Variants in SHISA9 observed in about 807,000 individuals in gnomAD.
SHISA9 encodes protein shisa-9.
A neutral mutation model predicts 38.0 loss-of-function variants in SHISA9; 13 were observed. The ratio of observed to expected loss-of-function variants is 0.34; its 90% CI spans 0.22 to 0.54. The LOEUF (loss-of-function observed/expected upper bound fraction) is 0.54, where lower values mean the gene tolerates loss of function less well. Among genes scored for constraint, SHISA9 ranks in the 20% least tolerant of loss-of-function variants. The pLI is 0.91. For synonymous variants in SHISA9, 275 were observed against 242.0 expected (o/e 1.14, Z -1.27); for missense variants, 538 against 575.8 (o/e 0.93, Z 0.67).
intron 2 of SHISA9, among the ~76,000 whole-genome samples, chr16:12,979,769 G>T (rs1204189004): frequency 6.6e-6 from 1 of 151,924 alleles, no homozygotes; most frequent in Non-Finnish European, 1.5e-5. Context: ...GTTTCTTTCT[G>T]TCTGTTTCAC....
rs113369786 is a variant in SHISA9 at position 12,975,877 on chromosome 16, A to AT, written c.691+59076dup. 2.1e-3 allele frequency among the ~76,000 whole-genome samples: 304 copies of AT among 144,886 alleles called. 2 individuals carry two copies. The highest frequency in any genetic ancestry group is 0.01 in the East Asian group (51 of 4,950). On this transcript the variant is annotated intron_variant, in intron 2 of 4. Coordinates refer to ENST00000558583, the MANE Select transcript of SHISA9 (RefSeq NM_001145204.3). Reference sequence around the variant, plus strand: ...AATAGCTTCATTTATTTGAACAGCAATTTTTTTTTTTTTTGCCAGTGAACA... The same window carrying AT: ...AATAGCTTCATTTATTTGAACAGCAATTTTTTTTTTTTTTTGCCAGTGAACA...
chr16:13,419,550 A>G, the SHISA9 span, among the ~76,000 whole-genome samples: 2 of 152,254 alleles, frequency 1.3e-5, no homozygotes, highest in Non-Finnish European at 2.9e-5. Flanking sequence ...TGGAGTTTGA[A>G]GACATGTGGG....
At chr16:12,998,250 A>G (rs2072482791) in intron 2 of SHISA9, among the ~76,000 whole-genome samples, 1 of 152,242 alleles carries the variant, frequency 6.6e-6, no homozygotes, top group African/African-American at 2.4e-5. Flanking sequence ...TCCATGCATT[A>G]GTTAAGGTAG....
At chr16:13,229,218 A>G (rs374452201) in intron 4 of SHISA9, among the ~76,000 whole-genome samples, 1 of 152,360 alleles carries the variant, frequency 6.6e-6, no homozygotes, top group South Asian at 2.1e-4. Context: ...CATTGCTTAT[A>G]TAATGCTGGC....
At chr16:13,139,250 TTTTC>T (rs1280144480) in intron 2 of SHISA9, among the ~76,000 whole-genome samples, 2 of 150,806 alleles carry the variant, frequency 1.3e-5, no homozygotes, top group African/African-American at 4.9e-5. Flanking sequence ...GCCATCTTTC[TTTTC>T]TTTCTAATTC....
intron 4 of SHISA9, among the ~76,000 whole-genome samples, chr16:13,217,242 C>A (rs1465862371): frequency 6.6e-6 from 1 of 152,046 alleles, no homozygotes; most frequent in African/African-American, 2.4e-5. Context: ...CTTGCCACTG[C>A]ACCCCAGCCT....
the SHISA9 span, among the ~76,000 whole-genome samples, chr16:13,263,535 A>G: frequency 6.6e-6 from 1 of 152,180 alleles, no homozygotes; most frequent in South Asian, 2.1e-4. Context: ...CCATGATTGT[A>G]AGCTTCTTGA....
At chr16:13,370,816 AAGAG>A in the SHISA9 span, among the ~76,000 whole-genome samples, 1 of 152,174 alleles carries the variant, frequency 6.6e-6, no homozygotes, top group South Asian at 2.1e-4. Context: ...TCTAGTCTGA[AAGAG>A]AGGCTGGGAA....
At chr16:13,153,483 A>C (rs771828013) in intron 2 of SHISA9, among the ~76,000 whole-genome samples, 4 of 152,178 alleles carry the variant, frequency 2.6e-5, no homozygotes, top group Non-Finnish European at 4.4e-5. Flanking sequence ...GGTGTGGTGT[A>C]CAGTAGATTG....
intron 2 of SHISA9, among the ~76,000 whole-genome samples, chr16:13,057,250 T>C (rs2073321599): frequency 6.6e-6 from 1 of 152,162 alleles, no homozygotes; most frequent in Non-Finnish European, 1.5e-5. Context: ...GGCTTGCCTT[T>C]CACAAGACAG....
intron 2 of SHISA9, among the ~76,000 whole-genome samples, chr16:13,011,648 AG>A (rs1567180922): frequency 6.6e-6 from 1 of 151,892 alleles, no homozygotes; most frequent in Non-Finnish European, 1.5e-5. Flanking sequence ...CAGCCTCCTC[AG>A]TAGCTGGGAG....
At chr16:13,447,286 A>AACAGGGGGGTTCCT in the SHISA9 span, among the ~76,000 whole-genome samples, 1 of 152,336 alleles carries the variant, frequency 6.6e-6, no homozygotes, top group African/African-American at 2.4e-5. Flanking sequence ...CTGCAGGAAC[A>AACAGGGGGGTTCCT]ACAGGGGGGT....
the SHISA9 span, among the ~76,000 whole-genome samples, chr16:13,300,856 C>G: frequency 2.9e-5 from 1 of 34,928 alleles, no homozygotes; most frequent in East Asian, 7.7e-4. Context: ...CTCTCCTCTC[C>G]TCTCCTCTCC....
chr16:13,000,903 C>A (rs954442634), intron 2 of SHISA9, among the ~76,000 whole-genome samples: 2 of 152,088 alleles, frequency 1.3e-5, no homozygotes, highest in Non-Finnish European at 2.9e-5. Context: ...AGGGGTCAGG[C>A]AACTGCCCTC....
intron 2 of SHISA9, among the ~76,000 whole-genome samples, chr16:13,094,244 C>T (rs1040781147): frequency 6.6e-5 from 10 of 152,136 alleles, no homozygotes; most frequent in Admixed American, 2.0e-4. Flanking sequence ...CTCCCCACCT[C>T]GAAACTGCAT....
At chr16:13,531,827 A>C in the SHISA9 span, among the ~76,000 whole-genome samples, 1 of 152,154 alleles carries the variant, frequency 6.6e-6, no homozygotes, top group African/African-American at 2.4e-5. Flanking sequence ...ATTTAGAACA[A>C]TTCATGTTCA....
At chr16:13,477,794 T>G in the SHISA9 span, among the ~76,000 whole-genome samples, 13 of 152,186 alleles carry the variant, frequency 8.5e-5, no homozygotes, top group Admixed American at 7.9e-4. Context: ...GTAAAACCCC[T>G]TCTCTATTAA....
At chr16:12,937,939 G>A (rs866090663) in intron 2 of SHISA9, among the ~76,000 whole-genome samples, 13 of 152,176 alleles carry the variant, frequency 8.5e-5, no homozygotes, top group Admixed American at 4.6e-4. Context: ...TGGAGGATTG[G>A]TACCAGCTGT....
chr16:13,537,179 G>A, the SHISA9 span, among the ~76,000 whole-genome samples: 2 of 152,116 alleles, frequency 1.3e-5, no homozygotes, highest in South Asian at 4.1e-4. Context: ...TGTAATCCTA[G>A]CACTTTGGGA....
Sources: gnomAD v4.1 joint callset for allele counts (sites outside exome capture counted in the v4.1 genomes callset) on GRCh38, gnomAD v4.1.1 for gene constraint, MANE v1.5 for transcripts, NCBI Gene and HGNC (gene_info 2026-07-23, HGNC 2026-07-21) for gene names.